The following XRN2 variants were observed in gnomAD, a reference collection of about 807,000 sequenced individuals.
XRN2 encodes the protein 5'-3' exoribonuclease 2.
XRN2 carries 44 observed loss-of-function variants against 138.5 expected under a neutral mutation model. The observed-to-expected ratio is 0.32, with a 90% CI of 0.25 to 0.41. XRN2 has a LOEUF of 0.41. XRN2 is among the 10% of genes least tolerant of loss of function. The probability of loss-of-function intolerance (pLI) is 1.00; values close to 1 mark genes in which losing one functional copy is unlikely to be tolerated. For synonymous variants in XRN2, 354 were observed against 369.4 expected (o/e 0.96, Z 0.48); for missense variants, 937 against 1,169.3 (o/e 0.80, Z 2.90).
At chr20:21,360,786 A>G (rs1399805656) in intron 24 of XRN2, among the ~76,000 whole-genome samples, 2 of 152,238 alleles carry the variant, frequency 1.3e-5, no homozygotes, top group South Asian at 2.1e-4. Flanking sequence ...AGTGGAATAC[A>G]TGCAGTCAGC....
At position 21,332,471 on chromosome 20, in the gene XRN2, TA is replaced by T. The variant is rs11481754; in HGVS notation, c.858+42del. ...AACTTTGAGATGGTAGTTGCCTCAT[TA>T]AAAAAAAAAATCTATTGTGGTAAAA... On this transcript the variant is annotated intron_variant, in intron 9 of 29. Coordinates refer to ENST00000377191, the MANE Select transcript of XRN2 (RefSeq NM_012255.5). 3.8e-3 allele frequency: 4,796 copies of T among 1,256,516 alleles called. 3 individuals carry two copies. The highest frequency in any genetic ancestry group is 0.017 in the African/African-American group (1,100 of 66,272). The allele number at this position is 1,256,516 out of a possible 1,614,324, so 77.8% of individuals were successfully genotyped here. A position where few individuals can be genotyped will look rare whatever the true frequency, so the allele number is the denominator to read the frequency against.
intron 21 of XRN2, among the ~76,000 whole-genome samples, chr20:21,355,400 T>A (rs1352389326): frequency 6.6e-6 from 1 of 152,178 alleles, no homozygotes; most frequent in Non-Finnish European, 1.5e-5. Flanking sequence ...ATTGAAAAAT[T>A]TAATACCATT....
chr20:21,303,562 G>C, intron 1 of XRN2, 89 bp downstream of exon 1: 1 of 1,420,728 alleles, frequency 7.0e-7, no homozygotes, highest in Non-Finnish European at 9.1e-7. Context: ...CCTGCCCCCG[G>C]GGAGCCTTGC....
At chr20:21,310,607 C>A (rs2037866665) in intron 1 of XRN2, among the ~76,000 whole-genome samples, 1 of 151,982 alleles carries the variant, frequency 6.6e-6, no homozygotes, top group Non-Finnish European at 1.5e-5. Context: ...ATTAATACAG[C>A]CAGTTATTCT....
At position 21,303,383 on chromosome 20, in the gene XRN2, C is replaced by G. The variant is rs2122144911; in HGVS notation, c.-16C>G. On this transcript the variant is annotated 5_prime_UTR_variant, in exon 1 of 30. Transcript: ENST00000377191. Reference sequence around the variant, plus strand: ...CTCGTCAGCCGGTCGGCCGCCGCCTCCAGCCGTGTGCCGCTATGGGAGTCC... The same window carrying G: ...CTCGTCAGCCGGTCGGCCGCCGCCTGCAGCCGTGTGCCGCTATGGGAGTCC... The G allele has an allele frequency of 1.9e-6, 3 of 1,546,746 alleles. No individual in the cohort carries two copies. The highest frequency in any genetic ancestry group is 2.6e-6 in the Non-Finnish European group (3 of 1,145,478).
chr20:21,348,203 T>C lies in XRN2; in HGVS notation c.1723T>C (p.Phe575Leu). The C allele has an allele frequency of 6.2e-7, 1 of 1,614,166 alleles. No homozygotes were observed. Among genetic ancestry groups the C allele is most frequent in the Non-Finnish European group, 8.5e-7 (1 of 1,180,016 alleles). Residue 575 changes from phenylalanine (F) to leucine (L), a missense_variant, in exon 18 of 30, where the codon TTT (phenylalanine) becomes CTT (leucine). Coordinates refer to ENST00000377191, the MANE Select transcript of XRN2 (RefSeq NM_012255.5). Reference protein sequence around the residue: ...PFHYAPFASDFEGIADMPSDF... With the variant: ...PFHYAPFASDLEGIADMPSDF... ...TCATTATGCACCATTTGCTTCAGAC[T>C]TTGAAGGCATTGCAGACATGCCATC...
intron 24 of XRN2, among the ~76,000 whole-genome samples, chr20:21,359,572 T>G (rs2038613887): frequency 6.6e-6 from 1 of 152,020 alleles, no homozygotes; most frequent in African/African-American, 2.4e-5. Flanking sequence ...AAATGCATAT[T>G]CAGGTGTATA....
intron 1 of XRN2, among the ~76,000 whole-genome samples, chr20:21,309,273 C>T (rs1204909597): frequency 6.6e-6 from 1 of 152,144 alleles, no homozygotes; most frequent in Non-Finnish European, 1.5e-5. Flanking sequence ...CCAGTGAGGC[C>T]ATCTGGACTT....
intron 1 of XRN2, among the ~76,000 whole-genome samples, chr20:21,313,862 C>T (rs990725310): frequency 6.6e-6 from 1 of 152,188 alleles, no homozygotes; most frequent in Admixed American, 6.5e-5. Flanking sequence ...ACCCTACATT[C>T]TATTTTCTCT....
chr20:21,320,316 T>TA (rs11467173), intron 1 of XRN2, among the ~76,000 whole-genome samples: 1 of 151,948 alleles, frequency 6.6e-6, no homozygotes, highest in Non-Finnish European at 1.5e-5. Context: ...TTTATTTATT[T>TA]TGAGACGGAG....
intron 4 of XRN2, among the ~76,000 whole-genome samples, chr20:21,329,943 A>G (rs960067502): frequency 6.6e-6 from 1 of 151,596 alleles, no homozygotes; most frequent in Non-Finnish European, 1.5e-5. Flanking sequence ...ATGTAACAAT[A>G]TAATATCTTT....
intron 28 of XRN2, 98 bp downstream of exon 28, chr20:21,382,155 G>A: frequency 9.9e-7 from 1 of 1,006,092 alleles, no homozygotes. Flanking sequence ...GGTTTGAAAT[G>A]TACTTTTTCC....
chr20:21,350,802 GTTGAC>G (rs1444442233), intron 20 of XRN2, among the ~76,000 whole-genome samples: 1 of 152,234 alleles, frequency 6.6e-6, no homozygotes, highest in South Asian at 2.1e-4. Context: ...AGGCTTTGGA[GTTGAC>G]TTGATTTATT....
chr20:21,357,708 A>C (rs780019391), intron 23 of XRN2, 28 bp from the exon 24 acceptor site: 1 of 1,563,202 alleles, frequency 6.4e-7, no homozygotes, highest in East Asian at 2.3e-5. Flanking sequence ...GTTTACAGAG[A>C]GATGTTTCTT....
At chr20:21,346,618 T>G (rs558990635) in intron 17 of XRN2, 68 bp downstream of exon 17, 13 of 1,568,832 alleles carry the variant, frequency 8.3e-6, no homozygotes, top group South Asian at 1.2e-5. Context: ...TTTCTTTTTT[T>G]TTGTTTGTTT....
chr20:21,386,376 A>C (rs1207138190), intron 28 of XRN2, among the ~76,000 whole-genome samples: 2 of 152,246 alleles, frequency 1.3e-5, no homozygotes, highest in Non-Finnish European at 2.9e-5. Flanking sequence ...ATGGGAAAAA[A>C]CAGCCAAGTC....
At chr20:21,338,515 T>G (rs566732226) in intron 13 of XRN2, among the ~76,000 whole-genome samples, 151 of 152,140 alleles carry the variant, frequency 9.9e-4, no homozygotes, top group Non-Finnish European at 1.9e-3. Context: ...AGGGATAATG[T>G]TTGCGTAGAG....
chr20:21,389,163 T>A lies in XRN2; in HGVS notation c.2788-110T>A, dbSNP rs917242076. On this transcript the variant is annotated intron_variant, in intron 29 of 29. Transcript: ENST00000377191. ...GGGGCCTTTCCATGTGCTGTACCTT[T>A]AACACATACTCAGTTTCCTTATGAT... 42 of 958,310 alleles carry A rather than the reference T, an allele frequency of 4.4e-5. No homozygotes were observed. The South Asian group carries it at 7.2e-4, about 17-fold the overall frequency. The allele number at this position is 958,310 out of a possible 1,614,324, so 59.4% of individuals were successfully genotyped here. A position where few individuals can be genotyped will look rare whatever the true frequency, so the allele number is the denominator to read the frequency against.
intron 24 of XRN2, among the ~76,000 whole-genome samples, chr20:21,361,815 G>A (rs963178797): frequency 1.3e-5 from 2 of 152,178 alleles, no homozygotes; most frequent in Admixed American, 6.5e-5. Flanking sequence ...TCTGAGTTAT[G>A]GCTGTTATCA....
Sources: gnomAD v4.1 joint callset for allele counts (sites outside exome capture counted in the v4.1 genomes callset) on GRCh38, gnomAD v4.1.1 for gene constraint, MANE v1.5 for transcripts, NCBI Gene and HGNC (gene_info 2026-07-23, HGNC 2026-07-21) for gene names.